The following WNK1 variants were observed in gnomAD, a reference collection of about 807,000 sequenced individuals.
WNK1 encodes the protein WNK lysine deficient protein kinase 1.
In WNK1, 38 loss-of-function variants were observed where a neutral mutation model predicts 222.8. The observed-to-expected ratio is 0.17, with a 90% CI of 0.13 to 0.22. The LOEUF (loss-of-function observed/expected upper bound fraction) is 0.22, where lower values mean the gene tolerates loss of function less well. Among genes scored for constraint, WNK1 ranks in the 10% least tolerant of loss-of-function variants. The pLI is 1.00. For missense variants in WNK1, 2,348 were observed against 2,918.4 expected (o/e 0.80, Z 4.50); for synonymous variants, 1,090 against 1,092.9 (o/e 1.00, Z 0.05).
intron 22 of WNK1, among the ~76,000 whole-genome samples, chr12:891,380 T>C (rs922443641): frequency 6.6e-6 from 1 of 152,152 alleles, no homozygotes; most frequent in East Asian, 1.9e-4. Flanking sequence ...TCAGGTGATC[T>C]GCCCGCCTCG....
At position 881,712 on chromosome 12, in the gene WNK1, G is replaced by A; in HGVS notation, c.3132G>A (p.Gln1044=). The part of the protein sequence containing the change: ...AVLESTQGVS[Q]VAPAEPVAVA... ...CACAGAGTACTCAGGGAGTCTCTCA[G>A]GTTGCTCCTGCAGAGCCAGTTGCAG... The change falls in exon 13 of 28, where the codon CAG becomes CAA. Residue 1044 remains glutamine (Q), a synonymous_variant. Coordinates refer to ENST00000315939, the MANE Select transcript of WNK1 (RefSeq NM_018979.4). 2 of 1,614,100 alleles carry A rather than the reference G, an allele frequency of 1.2e-6. No individual in the cohort carries two copies. The highest frequency in any genetic ancestry group is 1.7e-6 in the Non-Finnish European group (2 of 1,180,002).
chr12:774,039 C>G (rs1258541901), intron 1 of WNK1, among the ~76,000 whole-genome samples: 2 of 152,252 alleles, frequency 1.3e-5, no homozygotes, highest in Admixed American at 6.5e-5. Flanking sequence ...GCACAAATCC[C>G]CCTCCCTCTA....
intron 2 of WNK1, among the ~76,000 whole-genome samples, chr12:817,814 A>G (rs1172366220): frequency 8.2e-6 from 1 of 122,446 alleles, no homozygotes; most frequent in African/African-American, 2.9e-5. Flanking sequence ...TTAGCTGGGC[A>G]TGATGGCGGG....
chr12:816,629 C>T (rs1947363576), intron 2 of WNK1, among the ~76,000 whole-genome samples: 1 of 152,058 alleles, frequency 6.6e-6, no homozygotes, highest in Non-Finnish European at 1.5e-5. Flanking sequence ...GGCGCTATAA[C>T]ATAAATTTGT....
chr12:868,332 C>T, intron 8 of WNK1: 1 of 1,613,490 alleles, frequency 6.2e-7, no homozygotes, highest in East Asian at 2.2e-5. Flanking sequence ...GAGGGCATTC[C>T]ATACAACTCA....
chr12:827,621 C>T lies in WNK1; in HGVS notation c.1153+359C>T, dbSNP rs998911242. 17 of 246,234 alleles carry T rather than the reference C, an allele frequency of 6.9e-5. No individual in the cohort carries two copies. The highest frequency in any genetic ancestry group is 1.7e-4 in the East Asian group (2 of 11,762). The allele number at this position is 246,234 out of a possible 1,614,324, so 15.3% of individuals were successfully genotyped here. On this transcript the variant is annotated intron_variant, in intron 3 of 27. Coordinates refer to ENST00000315939, the MANE Select transcript of WNK1 (RefSeq NM_018979.4). The surrounding 1 kb of genome is among the most constrained non-coding windows in gnomAD (Gnocchi z 4.6). ...TCAGCTCACTGCAACCTCCACCCAC[C>T]GGGTTCAAGCGATTCTTGTGCCTCA...
At chr12:872,731 C>T (rs960547548) in intron 9 of WNK1, among the ~76,000 whole-genome samples, 2 of 152,146 alleles carry the variant, frequency 1.3e-5, no homozygotes, top group African/African-American at 2.4e-5. Context: ...TCTAAACTGG[C>T]TTCTGTTTCT....
chr12:869,146 T>C, intron 8 of WNK1: 1 of 1,605,738 alleles, frequency 6.2e-7, no homozygotes, highest in Non-Finnish European at 8.5e-7. Context: ...CTACCCTACT[T>C]TGCACCATAA....
At chr12:765,138 G>A (rs2153934435) in intron 1 of WNK1, among the ~76,000 whole-genome samples, 1 of 148,114 alleles carries the variant, frequency 6.8e-6, no homozygotes, top group Non-Finnish European at 1.5e-5. Context: ...CCTTTATGTG[G>A]CTATTTAAAT....
intron 1 of WNK1, among the ~76,000 whole-genome samples, chr12:809,992 C>A (rs932619590): frequency 2.0e-5 from 3 of 152,274 alleles, no homozygotes; most frequent in Admixed American, 6.5e-5. Flanking sequence ...TGGCTCACGT[C>A]TGTAATCCCA....
intron 2 of WNK1, among the ~76,000 whole-genome samples, chr12:825,203 C>T (rs528523084): frequency 1.3e-5 from 2 of 152,254 alleles, no homozygotes; most frequent in South Asian, 4.1e-4. Flanking sequence ...TTTTCCTTAC[C>T]CTCCATCCAG....
intron 2 of WNK1, among the ~76,000 whole-genome samples, chr12:821,751 TA>T (rs1334423526): frequency 3.9e-5 from 6 of 152,226 alleles, no homozygotes; most frequent in African/African-American, 1.4e-4. Flanking sequence ...TGTTATTTTT[TA>T]TGGATTGGCC....
At chr12:904,546 A>T (rs1955541582) in intron 26 of WNK1, 2 of 1,247,694 alleles carry the variant, frequency 1.6e-6, no homozygotes, top group South Asian at 1.2e-5. Flanking sequence ...CCTGTTAACC[A>T]TGAGTTCTTT....
rs780592488 is a variant in WNK1 at position 878,284 on chromosome 12, A to G, written c.2296A>G (p.Ser766Gly). The change falls in exon 10 of 28, where the codon AGT becomes GGT. Residue 766 changes from serine (S) to glycine (G), a missense_variant. By Grantham distance (56) the Ser-to-Gly change is moderately conservative. Around this residue, in one of 13 missense-constraint regions of WNK1, gnomAD observed 547 missense variants for 558.3 expected, o/e 0.98. Transcript: ENST00000315939. ...TTCACTTTCACAGACATCAACCTCCAGTGAGGCCACTACTGCACAGCCAGT... is the reference window on the plus strand; with the variant it reads ...TTCACTTTCACAGACATCAACCTCCGGTGAGGCCACTACTGCACAGCCAGT... ...QYSLSQTSTS[S>G]EATTAQPVSQ... 1.2e-6 allele frequency: 2 copies of G among 1,614,082 alleles called. No homozygotes were observed. The highest frequency in any genetic ancestry group is 1.7e-6 in the Non-Finnish European group (2 of 1,179,966).
chr12:766,053 T>C (rs1478690488), intron 1 of WNK1, among the ~76,000 whole-genome samples: 3 of 152,118 alleles, frequency 2.0e-5, no homozygotes, highest in South Asian at 4.1e-4. Flanking sequence ...GTGGGTTTAA[T>C]GAGTGGATGA....
In WNK1 at chr12:758,035, TAAAAA is replaced by T. The variant is rs71051381; in HGVS notation, c.759+3726_759+3730del. On this transcript the variant is annotated intron_variant, in intron 1 of 27. Coordinates refer to ENST00000315939, the MANE Select transcript of WNK1 (RefSeq NM_018979.4). ...GGGTGACAGGGTGAGACTCTGTCTC[TAAAAA>T]AAAAAAAAAAAAAAGAAAGAAAGAA... Among the ~76,000 whole-genome samples the T allele has an allele frequency of 2.2e-3, 260 of 116,272 alleles. 3 individuals carry two copies. Among genetic ancestry groups the T allele is most frequent in the Admixed American group, 2.7e-3 (31 of 11,658 alleles). The allele number at this position is 116,272 out of a possible 152,430, so 76.3% of individuals were successfully genotyped here. A position where few individuals can be genotyped will look rare whatever the true frequency, so the allele number is the denominator to read the frequency against.
intron 1 of WNK1, among the ~76,000 whole-genome samples, chr12:770,615 T>TA (rs1005868367): frequency 4.6e-5 from 7 of 152,192 alleles, no homozygotes; most frequent in African/African-American, 1.4e-4. Flanking sequence ...TACTTCCTTT[T>TA]AAAAAATATC....
chr12:814,874 G>A (rs1370361976), intron 2 of WNK1, among the ~76,000 whole-genome samples: 1 of 152,156 alleles, frequency 6.6e-6, no homozygotes, highest in African/African-American at 2.4e-5. Context: ...ATCAGTGGGA[G>A]CCCTGAGCTT....
chr12:754,436 G>A (rs554644781), intron 1 of WNK1, 112 bp downstream of exon 1: 1 of 1,404,176 alleles, frequency 7.1e-7, no homozygotes, highest in East Asian at 2.3e-5. Flanking sequence ...ACTCCGAGTG[G>A]GACGGGGAGG....
Sources: allele counts gnomAD v4.1 joint callset (sites outside exome capture counted in the v4.1 genomes callset), GRCh38; gene constraint gnomAD v4.1.1; regional missense constraint gnomAD v4.1.1; non-coding constraint Gnocchi (gnomAD v3.1); transcripts MANE v1.5; gene names NCBI Gene and HGNC (gene_info 2026-07-23, HGNC 2026-07-21).